The following VRK2 variants were observed in gnomAD, a reference collection of about 807,000 sequenced individuals.
VRK2 encodes the protein serine/threonine-protein kinase VRK2.
In VRK2, 60 loss-of-function variants were observed where a neutral mutation model predicts 57.6. The ratio of observed to expected loss-of-function variants is 1.04; its 90% confidence interval spans 0.85 to 1.29. VRK2 has a LOEUF of 1.29. Among genes scored for constraint, VRK2 ranks in the 50% most tolerant of loss-of-function variants. The probability of loss-of-function intolerance (pLI) is 0.00; values close to 1 mark genes in which losing one functional copy is unlikely to be tolerated. For missense variants in VRK2, 705 were observed against 588.1 expected, an observed-to-expected ratio of 1.20 and a Z score of -2.06; for synonymous variants, 231 against 199.2, an observed-to-expected ratio of 1.16 and a Z score of -1.35.
At chr2:58,046,240 G>A (rs1233668422), upstream of VRK2, among the ~76,000 whole-genome samples, 2 of 152,112 alleles carry the variant, frequency 1.3e-5, no homozygotes, top group African/African-American at 4.8e-5. Context: ...AACAACAAGG[G>A]TTATTTCCAT....
chr2:57,907,786 C>G (rs1669871163), exon 1 of VRK2: 1 of 152,230 alleles, frequency 6.6e-6, no homozygotes, highest in Non-Finnish European at 1.5e-5. Context: ...TCTCATCCTT[C>G]AAGAGCCAAG....
chr2:58,003,517 A>G (rs546195555), intron 1 of VRK2, among the ~76,000 whole-genome samples: 2 of 152,154 alleles, frequency 1.3e-5, no homozygotes, highest in African/African-American at 2.4e-5. Context: ...ATAAAAATAT[A>G]AGATGCACAG....
At chr2:58,066,571 G>GTAA (rs1235607076) in intron 2 of VRK2, among the ~76,000 whole-genome samples, 2 of 151,872 alleles carry the variant, frequency 1.3e-5, no homozygotes, top group Admixed American at 1.3e-4. Context: ...TTGTATCAGG[G>GTAA]TAATCCTGGC....
intron 1 of VRK2, among the ~76,000 whole-genome samples, chr2:57,923,655 A>T (rs980667058): frequency 7.2e-5 from 11 of 151,982 alleles, no homozygotes; most frequent in African/African-American, 2.7e-4. Context: ...CATAGTTTGC[A>T]AATATTTTCT....
At chr2:58,042,782 T>C (rs1258105121), upstream of VRK2, among the ~76,000 whole-genome samples, 1 of 152,192 alleles carries the variant, frequency 6.6e-6, no homozygotes, top group African/African-American at 2.4e-5. Context: ...TCTATCAAAA[T>C]AGCTTTGTTT....
At chr2:58,016,936 C>A (rs1422835161) in intron 1 of VRK2, among the ~76,000 whole-genome samples, 2 of 152,142 alleles carry the variant, frequency 1.3e-5, no homozygotes, top group African/African-American at 4.8e-5. Context: ...CGGAGTCTGA[C>A]ATTTTGTTTA....
chr2:58,073,322 A>G (rs530330149), intron 2 of VRK2, among the ~76,000 whole-genome samples: 63 of 152,092 alleles, frequency 4.1e-4, no homozygotes, highest in African/African-American at 1.4e-3. Flanking sequence ...AGTTAAATTC[A>G]TTGATTGGTG....
intron 1 of VRK2, among the ~76,000 whole-genome samples, chr2:58,021,586 C>T (rs1361249936): frequency 6.6e-6 from 1 of 152,152 alleles, no homozygotes; most frequent in Non-Finnish European, 1.5e-5. Context: ...TATCTAATCA[C>T]TCAGTGAATC....
chr2:58,039,420 T>C (rs543635919), intron 3 of VRK2, among the ~76,000 whole-genome samples: 7 of 152,298 alleles, frequency 4.6e-5, no homozygotes, highest in African/African-American at 1.7e-4. Context: ...TCCCTAAAAA[T>C]TTCTCCTACA....
intron 2 of VRK2, among the ~76,000 whole-genome samples, chr2:58,059,252 C>G (rs1676980886): frequency 6.6e-6 from 1 of 151,992 alleles, no homozygotes. Context: ...TCCAATAGTT[C>G]ATGCAATCTG....
chr2:58,123,826 A>C (rs919711327), intron 8 of VRK2, among the ~76,000 whole-genome samples: 3 of 151,414 alleles, frequency 2.0e-5, no homozygotes, highest in Admixed American at 6.6e-5. Context: ...CTGCTCCCCA[A>C]CCTGGGCGAC....
chr2:58,154,814 A>T (rs1683551237), intron 12 of VRK2: 2 of 716,826 alleles, frequency 2.8e-6, no homozygotes, highest in Non-Finnish European at 5.2e-6. Flanking sequence ...TAAGTATTCC[A>T]TGCTATAAGT....
intron 8 of VRK2, among the ~76,000 whole-genome samples, chr2:58,130,665 C>G (rs1440232739): frequency 6.6e-6 from 1 of 152,096 alleles, no homozygotes; most frequent in Non-Finnish European, 1.5e-5. Flanking sequence ...CACTGAGTAA[C>G]TTTTCAGAGT....
intron 1 of VRK2, among the ~76,000 whole-genome samples, chr2:58,010,610 G>T (rs1323523852): frequency 1.3e-5 from 2 of 152,174 alleles, no homozygotes; most frequent in East Asian, 3.9e-4. Context: ...TGGAAAATCG[G>T]GGTATGCAGG....
intron 1 of VRK2, among the ~76,000 whole-genome samples, chr2:58,003,868 G>A (rs187708814): frequency 1.3e-5 from 2 of 152,042 alleles, no homozygotes; most frequent in East Asian, 3.9e-4. Context: ...TCTAATAATT[G>A]TTTACTATAA....
chr2:58,083,825 A>C (rs1294681383), intron 2 of VRK2, among the ~76,000 whole-genome samples: 1 of 151,826 alleles, frequency 6.6e-6, no homozygotes, highest in Non-Finnish European at 1.5e-5. Flanking sequence ...GTTTATGATC[A>C]AGTGTATGGG....
chr2:58,006,224 C>T (rs950071588), intron 1 of VRK2, among the ~76,000 whole-genome samples: 8 of 152,084 alleles, frequency 5.3e-5, no homozygotes, highest in Non-Finnish European at 7.4e-5. Context: ...TTGGATCAGG[C>T]GTATTGGCAT....
In VRK2 at chr2:58,147,121, C is replaced by G. The variant is rs192652633; in HGVS notation, c.1182+647C>G. The G allele has an allele frequency of 9.1e-5, 47 of 516,580 alleles. 1 individual carries two copies. The East Asian group carries it at 1.6e-3, about 18-fold the overall frequency. The allele number at this position is 516,580 out of a possible 1,614,324, so 32.0% of individuals were successfully genotyped here. A position where few individuals can be genotyped will look rare whatever the true frequency, so the allele number is the denominator to read the frequency against. On this transcript the variant is annotated intron_variant, in intron 12 of 12. Transcript: ENST00000340157. The stretch of plus-strand genomic sequence containing the variant: ...AGTATGAAACAGGATAATTTAATAC[C>G]CCACCTTGTATACCCTACCTAATCA...
chr2:58,007,040 C>A (rs1397932972), intron 1 of VRK2, among the ~76,000 whole-genome samples: 32 of 151,916 alleles, frequency 2.1e-4, no homozygotes, highest in Non-Finnish European at 7.4e-5. Context: ...CCCCAAAGAC[C>A]TTTGGACTTT....
Sources: allele counts gnomAD v4.1 joint callset (sites outside exome capture counted in the v4.1 genomes callset), GRCh38; gene constraint gnomAD v4.1.1; transcripts MANE v1.5; gene names NCBI Gene and HGNC (gene_info 2026-07-23, HGNC 2026-07-21).